Variants in SLC9B1 observed in about 807,000 individuals in gnomAD.
The protein encoded by SLC9B1 is solute carrier family 9 member B1.
Under a neutral mutation model 51.7 loss-of-function variants are expected in SLC9B1, and 32 were observed. That is an observed-to-expected ratio of 0.62 (90% CI 0.47 to 0.83). The LOEUF (loss-of-function observed/expected upper bound fraction) is 0.83. SLC9B1 is among the 40% of genes least tolerant of loss of function. SLC9B1 has a pLI of 0.00. For synonymous variants in SLC9B1, 145 were observed against 212.7 expected (o/e 0.68, Z 2.77); for missense variants, 406 against 613.2 (o/e 0.66, Z 3.57).
intron 1 of SLC9B1, among the ~76,000 whole-genome samples, chr4:103,011,557 A>G (rs908848244): frequency 1.3e-5 from 2 of 152,110 alleles, no homozygotes; most frequent in African/African-American, 4.8e-5. Context: ...GCACTGCCCT[A>G]GTGGTGACTC....
chr4:102,955,843 GAGAAAGAA>G (rs56088004), intron 3 of SLC9B1, among the ~76,000 whole-genome samples: 1,640 of 106,814 alleles, frequency 0.015, 12 homozygotes, highest in African/African-American at 0.022. Flanking sequence ...GAAAGAGAGA[GAGAAAGAA>G]AGAAAGAAAG....
At chr4:103,010,843 G>A (rs1478000626) in intron 1 of SLC9B1, among the ~76,000 whole-genome samples, 2 of 152,158 alleles carry the variant, frequency 1.3e-5, no homozygotes, top group Non-Finnish European at 2.9e-5. Context: ...CTGTTGCATT[G>A]GGGATTAAGT....
At chr4:102,923,533 A>C (rs1735992813) in intron 7 of SLC9B1, among the ~76,000 whole-genome samples, 2 of 152,210 alleles carry the variant, frequency 1.3e-5, no homozygotes, top group Non-Finnish European at 2.9e-5. Context: ...CATCACTCCT[A>C]TTCAACATAG....
At chr4:102,904,061 A>C (rs1578332372) in intron 11 of SLC9B1, among the ~76,000 whole-genome samples, 1 of 150,482 alleles carries the variant, frequency 6.6e-6, no homozygotes, top group Non-Finnish European at 1.5e-5. Flanking sequence ...ATTTTACTTT[A>C]CTTTTTTTTT....
At chr4:103,008,370 T>G (rs1740902257) in intron 1 of SLC9B1, among the ~76,000 whole-genome samples, 1 of 152,060 alleles carries the variant, frequency 6.6e-6, no homozygotes, top group Non-Finnish European at 1.5e-5. Flanking sequence ...GGACACAGTG[T>G]GGTATTGTAA....
intron 11 of SLC9B1, among the ~76,000 whole-genome samples, chr4:102,904,298 G>C (rs565509111): frequency 6.6e-6 from 1 of 151,910 alleles, no homozygotes; most frequent in East Asian, 1.9e-4. Context: ...GAGCTCAAGT[G>C]ATCTGCCTGC....
chr4:102,910,265 T>A (rs1735275735), intron 9 of SLC9B1, among the ~76,000 whole-genome samples, 174 bp downstream of exon 9: 1 of 152,102 alleles, frequency 6.6e-6, no homozygotes, highest in South Asian at 2.1e-4. Flanking sequence ...TCCATATTAG[T>A]ATATTTCCAG....
At chr4:102,921,603 G>C (rs1735880926) in intron 7 of SLC9B1, among the ~76,000 whole-genome samples, 2 of 152,122 alleles carry the variant, frequency 1.3e-5, no homozygotes, top group African/African-American at 2.4e-5. Context: ...CCAATTAAAA[G>C]ACACAGACTG....
At chr4:103,019,544 C>G (rs1037842821) in intron 1 of SLC9B1, 55 bp downstream of exon 1, 2 of 981,954 alleles carry the variant, frequency 2.0e-6, no homozygotes, top group Non-Finnish European at 2.4e-6. Context: ...CGCGGCAGAC[C>G]CGGGACTAGC....
intron 11 of SLC9B1, among the ~76,000 whole-genome samples, chr4:102,905,228 T>TATTTATTTATTTATTTATTC (rs1734978108): frequency 6.6e-6 from 1 of 151,584 alleles, no homozygotes; most frequent in Non-Finnish European, 1.5e-5. Context: ...TTTATTTATT[T>TATTTATTTATTTATTTATTC]ATTTATTTTT....
downstream of SLC9B1, among the ~76,000 whole-genome samples, chr4:102,900,314 A>G (rs1734725653): frequency 6.6e-6 from 1 of 152,222 alleles, no homozygotes; most frequent in African/African-American, 2.4e-5. Context: ...GGCAGATTTA[A>G]TCAGCCAGAA....
chr4:102,971,786 A>G (rs1738776407), intron 3 of SLC9B1, among the ~76,000 whole-genome samples: 1 of 152,242 alleles, frequency 6.6e-6, no homozygotes, highest in Admixed American at 6.5e-5. Context: ...AATAGATGCA[A>G]TAAAAAATGA....
chr4:103,002,425 T>C (rs1329816719), intron 1 of SLC9B1, among the ~76,000 whole-genome samples: 1 of 152,228 alleles, frequency 6.6e-6, no homozygotes, highest in African/African-American at 2.4e-5. Context: ...CATAAGAATT[T>C]ATAGGCTAAC....
chr4:102,985,894 T>A (rs1739592017), intron 3 of SLC9B1, among the ~76,000 whole-genome samples: 1 of 152,160 alleles, frequency 6.6e-6, no homozygotes, highest in Non-Finnish European at 1.5e-5. Context: ...ATATTTCTAA[T>A]TCCTCCCTCC....
intron 10 of SLC9B1, 43 bp downstream of exon 10, chr4:102,906,493 A>C: frequency 3.0e-6 from 3 of 985,036 alleles, no homozygotes; most frequent in Non-Finnish European, 4.5e-6. Flanking sequence ...ATTTTCTTAA[A>C]TATTTTTGAA....
intron 11 of SLC9B1, among the ~76,000 whole-genome samples, chr4:102,894,188 G>A (rs1734422599): frequency 1.3e-5 from 2 of 152,172 alleles, no homozygotes; most frequent in African/African-American, 4.8e-5. Flanking sequence ...AGATTCTTGA[G>A]TAAAATAGAA....
intron 11 of SLC9B1, among the ~76,000 whole-genome samples, chr4:102,905,197 T>A (rs949099185): frequency 3.2e-5 from 3 of 92,416 alleles, no homozygotes; most frequent in Non-Finnish European, 6.7e-5. Flanking sequence ...TACATTAAGG[T>A]TCTTTGTTTT....
intron 1 of SLC9B1, among the ~76,000 whole-genome samples, chr4:103,006,115 A>G (rs1740772325): frequency 6.6e-6 from 1 of 152,144 alleles, no homozygotes; most frequent in African/African-American, 2.4e-5. Flanking sequence ...ACTGAATGAA[A>G]TTGGGACATG....
At chr4:102,929,522 A>AT (rs1475568875) in intron 7 of SLC9B1, among the ~76,000 whole-genome samples, 2,533 of 142,950 alleles carry the variant, frequency 0.018, 66 homozygotes, top group African/African-American at 0.056. Flanking sequence ...AGGAAGAGGA[A>AT]TTTTTTTTTT....
Sources: allele counts gnomAD v4.1 joint callset (sites outside exome capture counted in the v4.1 genomes callset), GRCh38; gene constraint gnomAD v4.1.1; transcripts MANE v1.5; gene names NCBI Gene and HGNC (gene_info 2026-07-23, HGNC 2026-07-21).